Variants in MCUB observed in about 807,000 individuals in gnomAD.
MCUB encodes calcium uniporter regulatory subunit MCUb, mitochondrial.
MCUB carries 46 observed loss-of-function variants against 41.4 expected under a neutral mutation model. The ratio of observed to expected loss-of-function variants is 1.11; its 90% CI spans 0.88 to 1.42. The LOEUF (loss-of-function observed/expected upper bound fraction) is 1.42. Among genes scored for constraint, MCUB ranks in the 40% most tolerant of loss-of-function variants. The pLI is 0.00. For missense variants in MCUB, 403 were observed against 404.9 expected (o/e 1.00, Z 0.04); for synonymous variants, 148 against 148.2 (o/e 1.00, Z 0.01).
At chr4:109,669,788 CTA>C (rs1174837582) in intron 4 of MCUB, among the ~76,000 whole-genome samples, 1 of 151,656 alleles carries the variant, frequency 6.6e-6, no homozygotes, top group Non-Finnish European at 1.5e-5. Context: ...CTTTCTTCAG[CTA>C]TGTTTCATCT....
chr4:109,602,932 TA>T (rs1727776712), intron 1 of MCUB, among the ~76,000 whole-genome samples: 1 of 152,266 alleles, frequency 6.6e-6, no homozygotes, highest in African/African-American at 2.4e-5. Context: ...GGTTAATTCC[TA>T]GATATTTTAT....
At chr4:109,617,529 G>A (rs1728158357) in intron 1 of MCUB, among the ~76,000 whole-genome samples, 1 of 152,310 alleles carries the variant, frequency 6.6e-6, no homozygotes, top group Admixed American at 6.5e-5. Flanking sequence ...GTTTTGAAAT[G>A]TAAGAAATTT....
intron 1 of MCUB, among the ~76,000 whole-genome samples, chr4:109,585,217 CTT>C (rs1299226238): frequency 1.3e-5 from 2 of 152,144 alleles, no homozygotes; most frequent in African/African-American, 2.4e-5. Context: ...TTCTTTGTCT[CTT>C]TTGATCTTTG....
At chr4:109,584,138 G>A (rs1262073918) in intron 1 of MCUB, among the ~76,000 whole-genome samples, 3 of 152,220 alleles carry the variant, frequency 2.0e-5, no homozygotes, top group South Asian at 4.1e-4. Context: ...CCTCTTATTG[G>A]TCTATTCAGA....
intron 4 of MCUB, among the ~76,000 whole-genome samples, chr4:109,677,058 A>G (rs1729589728): frequency 6.6e-6 from 1 of 152,262 alleles, no homozygotes. Flanking sequence ...TGGGGGCAGG[A>G]CTGCCCAAGA....
intron 4 of MCUB, among the ~76,000 whole-genome samples, chr4:109,670,977 G>A (rs1181226120): frequency 6.6e-6 from 1 of 152,096 alleles, no homozygotes; most frequent in East Asian, 1.9e-4. Flanking sequence ...TTCCTACCCT[G>A]GTACTGATTC....
chr4:109,578,648 C>T (rs1401539049), intron 1 of MCUB, among the ~76,000 whole-genome samples: 1 of 152,132 alleles, frequency 6.6e-6, no homozygotes, highest in African/African-American at 2.4e-5. Context: ...TACAGGTGTG[C>T]ACCACCATGC....
intron 4 of MCUB, among the ~76,000 whole-genome samples, chr4:109,674,413 G>T (rs1454826012): frequency 6.6e-6 from 1 of 152,158 alleles, no homozygotes; most frequent in African/African-American, 2.4e-5. Context: ...GATGAACTTA[G>T]TTCTAAAGAA....
At chr4:109,573,783 C>T (rs1009914759) in intron 1 of MCUB, among the ~76,000 whole-genome samples, 32 of 151,268 alleles carry the variant, frequency 2.1e-4, no homozygotes, top group African/African-American at 7.5e-4. Context: ...TTACAAAGAA[C>T]ACTAACAAAG....
At chr4:109,587,804 T>G (rs1727346024) in intron 1 of MCUB, among the ~76,000 whole-genome samples, 1 of 152,290 alleles carries the variant, frequency 6.6e-6, no homozygotes, top group Non-Finnish European at 1.5e-5. Flanking sequence ...AAATAAGAGA[T>G]ATAGGCCTAT....
At chr4:109,590,603 A>C (rs1727413887) in intron 1 of MCUB, among the ~76,000 whole-genome samples, 1 of 152,198 alleles carries the variant, frequency 6.6e-6, no homozygotes, top group Non-Finnish European at 1.5e-5. Context: ...CACTCCTTAA[A>C]AGCAATCACT....
chr4:109,645,339 C>T (rs1025529826), intron 1 of MCUB, among the ~76,000 whole-genome samples: 12 of 147,176 alleles, frequency 8.2e-5, no homozygotes, highest in Non-Finnish European at 1.0e-4. Context: ...TCCCCTCCAT[C>T]GCCACTGCCC....
At chr4:109,684,354 G>A (rs929419209) in intron 5 of MCUB, 89 bp from the exon 6 acceptor site, 30 of 1,054,076 alleles carry the variant, frequency 2.8e-5, no homozygotes, top group Non-Finnish European at 3.7e-5. Context: ...GAGCCACCGC[G>A]CCCGGCAAGA....
chr4:109,597,988 CAG>C (rs1173543394), intron 1 of MCUB, among the ~76,000 whole-genome samples: 1 of 150,230 alleles, frequency 6.7e-6, no homozygotes, highest in Non-Finnish European at 1.5e-5. Context: ...CCCCACATCT[CAG>C]ACGATGGGCG....
At chr4:109,596,041 C>T (rs1443573519) in intron 1 of MCUB, among the ~76,000 whole-genome samples, 2 of 117,384 alleles carry the variant, frequency 1.7e-5, no homozygotes, top group Non-Finnish European at 1.7e-5. Flanking sequence ...TGGGGCTGCA[C>T]TACATTGCTC....
intron 1 of MCUB, among the ~76,000 whole-genome samples, chr4:109,644,400 T>C (rs182275471): frequency 3.1e-4 from 47 of 152,352 alleles, no homozygotes; most frequent in South Asian, 1.2e-3. Context: ...CACGTTGTCA[T>C]AGTCAACTAA....
intron 1 of MCUB, among the ~76,000 whole-genome samples, chr4:109,561,294 T>C (rs531359305): frequency 6.6e-6 from 1 of 152,308 alleles, no homozygotes; most frequent in East Asian, 1.9e-4. Context: ...TACTTTCAGA[T>C]TGTTAAAGGC....
chr4:109,630,565 T>G (rs1728453589), intron 1 of MCUB, among the ~76,000 whole-genome samples: 1 of 141,524 alleles, frequency 7.1e-6, no homozygotes, highest in African/African-American at 2.4e-5. Flanking sequence ...TGCAAAATTC[T>G]GTTTTTTGTT....
chr4:109,602,632 G>A (rs1383687717), intron 1 of MCUB, among the ~76,000 whole-genome samples: 1 of 152,146 alleles, frequency 6.6e-6, no homozygotes, highest in Non-Finnish European at 1.5e-5. Flanking sequence ...TTTGAACTCA[G>A]GTAATGTGAT....
Sources: allele counts gnomAD v4.1 joint callset (sites outside exome capture counted in the v4.1 genomes callset), GRCh38; gene constraint gnomAD v4.1.1; transcripts MANE v1.5; gene names NCBI Gene and HGNC (gene_info 2026-07-23, HGNC 2026-07-21).